Variants in VAMP1 observed in about 807,000 individuals in gnomAD.
VAMP1 encodes vesicle associated membrane protein 1, also known as vesicle-associated membrane protein 1.
A neutral mutation model predicts 19.1 loss-of-function variants in VAMP1; 16 were observed. That is an observed-to-expected ratio of 0.84 (90% CI 0.57 to 1.27). The LOEUF (loss-of-function observed/expected upper bound fraction) is 1.27, where lower values mean the gene tolerates loss of function less well. Ranked by LOEUF, VAMP1 falls within the 50% of genes most tolerant of loss-of-function variation. The pLI is 0.00. For missense variants in VAMP1, 109 were observed against 145.4 expected, an observed-to-expected ratio of 0.75 and a Z score of 1.29; for synonymous variants, 37 against 50.2, an observed-to-expected ratio of 0.74 and a Z score of 1.11.
intron 1 of VAMP1, among the ~76,000 whole-genome samples, chr12:6,468,230 G>C (rs2137012530): frequency 1.3e-5 from 2 of 152,382 alleles, no homozygotes; most frequent in African/African-American, 4.8e-5. Context: ...AGCCAGGAGG[G>C]AGGCTGTACA....
At chr12:6,470,410 G>A in intron 1 of VAMP1, 120 bp downstream of exon 1, 1 of 1,486,980 alleles carries the variant, frequency 6.7e-7, no homozygotes, top group South Asian at 1.2e-5. Flanking sequence ...GCGGCGCGCG[G>A]TGGTAGTTCC....
At chr12:6,465,162 T>A in intron 3 of VAMP1, 2 of 590,380 alleles carry the variant, frequency 3.4e-6, no homozygotes, top group Non-Finnish European at 5.8e-6. Context: ...TCACAGGACC[T>A]GCATTGAGCT....
In VAMP1 at chr12:6,470,580, G is replaced by C; in HGVS notation, c.-49C>G. On this transcript the variant is annotated 5_prime_UTR_variant, in exon 1 of 5. Coordinates refer to ENST00000396308, the MANE Select transcript of VAMP1 (RefSeq NM_014231.5). ...TCTGTTCCTCTCCGGAGGCTGCGGC[G>C]AGACACCCGGTGAGGGACGCTGCGG... 6.2e-7 allele frequency: 1 copy of C among 1,612,886 alleles called. No homozygotes were observed. The highest frequency in any genetic ancestry group is 8.5e-7 in the Non-Finnish European group (1 of 1,179,170).
chr12:6,462,965 T>C lies in VAMP1; in HGVS notation c.*1505A>G. Reference sequence around the variant, plus strand: ...GACCCTGCCCAGCATGGCCTCAGCCTCTTCCTGTTCGTGGACCGAGGGAAG... The same window carrying C: ...GACCCTGCCCAGCATGGCCTCAGCCCCTTCCTGTTCGTGGACCGAGGGAAG... On this transcript the variant is annotated 3_prime_UTR_variant, in exon 5 of 5. Coordinates refer to ENST00000396308, the MANE Select transcript of VAMP1 (RefSeq NM_014231.5). 1 of 1,552,758 alleles carries C rather than the reference T, an allele frequency of 6.4e-7. No homozygotes were observed. Among genetic ancestry groups the C allele is most frequent in the Non-Finnish European group, 8.7e-7 (1 of 1,147,698 alleles).
chr12:6,468,314 A>G, intron 1 of VAMP1, among the ~76,000 whole-genome samples: 1 of 152,200 alleles, frequency 6.6e-6, no homozygotes. Flanking sequence ...ATGCCCAGTT[A>G]TTGGTTATGC....
In VAMP1 at chr12:6,466,303, T is replaced by A. The variant is rs1950023556; in HGVS notation, c.51A>T (p.Pro17=). ...GAGGAGGGCCAGGGGGACCCCCACC[T>A]GGGGCAGTCCCTTCTGTCCCTTCAG... ...PPAEGTEGTA[P]GGGPPGPPPN... The change falls in exon 2 of 5, where the codon CCA becomes CCT. Residue 17 remains proline, a synonymous_variant. Transcript: ENST00000396308. 1.2e-6 allele frequency: 2 copies of A among 1,614,056 alleles called. No individual in the cohort carries two copies. The highest frequency in any genetic ancestry group is 1.3e-5 in the African/African-American group (1 of 74,950).
At chr12:6,469,113 C>T (rs959056463) in intron 1 of VAMP1, among the ~76,000 whole-genome samples, 1 of 152,154 alleles carries the variant, frequency 6.6e-6, no homozygotes, top group South Asian at 2.1e-4. Flanking sequence ...TGACTCATTC[C>T]CCATTTGAAG....
intron 3 of VAMP1, 116 bp from the exon 4 acceptor site, chr12:6,465,057 A>C: frequency 2.0e-6 from 3 of 1,484,322 alleles, no homozygotes; most frequent in Admixed American, 2.0e-5. Flanking sequence ...AAAACCACCC[A>C]TCACCCAGGA....
Position 6,464,506 on chromosome 12 carries a change from A to G in VAMP1, c.341-20T>C. The G allele has an allele frequency of 6.7e-7, 1 of 1,492,328 alleles. No individual in the cohort carries two copies. The highest frequency in any genetic ancestry group is 8.9e-7 in the Non-Finnish European group (1 of 1,121,786). The allele number at this position is 1,492,328 out of a possible 1,614,324, so 92.4% of individuals were successfully genotyped here. On this transcript the variant is annotated intron_variant, in intron 4 of 4. Coordinates refer to ENST00000396308, the MANE Select transcript of VAMP1 (RefSeq NM_014231.5). ...AGTAGACTGGACACAGGAATCAGGA[A>G]GTCCCAGACGGAAAAGAGAAAGAGA...
chr12:6,464,071 G>T lies in VAMP1; in HGVS notation c.*399C>A. The stretch of plus-strand genomic sequence containing the variant: ...AGCCCCTCCCTAGCTCCTACCAGTG[G>T]CCAGGTTTTCTAGAAGTCACCATGG... On this transcript the variant is annotated 3_prime_UTR_variant, in exon 5 of 5. Transcript: ENST00000396308. The T allele has an allele frequency of 1.5e-6, 2 of 1,301,308 alleles. No individual in the cohort carries two copies. The highest frequency in any genetic ancestry group is 4.2e-4 in the Middle Eastern group (2 of 4,766). 80.6% of individuals were successfully genotyped at this position (1,301,308 alleles called of 1,614,324 possible).
At position 6,463,011 on chromosome 12, in the gene VAMP1, C is replaced by T. The variant is rs1414225553; in HGVS notation, c.*1459G>A. ...GGAAGAAGGAATAAAGGGCCATGGG[C>T]ATTCTCCGCTCTGTTCCCAGCCTGC... On this transcript the variant is annotated 3_prime_UTR_variant, in exon 5 of 5. Transcript: ENST00000396308. This position sits in a 1 kb window ranked among gnomAD's most constrained non-coding sequence, Gnocchi z 4.0. 2 of 1,549,156 alleles carry T rather than the reference C, an allele frequency of 1.3e-6. No individual in the cohort carries two copies. Among genetic ancestry groups the T allele is most frequent in the Non-Finnish European group, 8.7e-7 (1 of 1,146,968 alleles).
In VAMP1 at chr12:6,463,987, T is replaced by C. The variant is rs1377289995; in HGVS notation, c.*483A>G. 7.7e-7 allele frequency: 1 copy of C among 1,291,286 alleles called. No homozygotes were observed. The allele number at this position is 1,291,286 out of a possible 1,614,324, so 80.0% of individuals were successfully genotyped here. A position where few individuals can be genotyped will look rare whatever the true frequency, so the allele number is the denominator to read the frequency against. Reference sequence around the variant, plus strand: ...CCACCCCCAGGACCCTCTTCAGGCCTGGTCCAGGAAGGAAAGCTCCACATG... The same window carrying C: ...CCACCCCCAGGACCCTCTTCAGGCCCGGTCCAGGAAGGAAAGCTCCACATG... On this transcript the variant is annotated 3_prime_UTR_variant, in exon 5 of 5. Transcript: ENST00000396308. This position sits in a 1 kb window ranked among gnomAD's most constrained non-coding sequence, Gnocchi z 4.0.
intron 4 of VAMP1, 94 bp from the exon 5 acceptor site, chr12:6,464,580 T>C: frequency 6.8e-7 from 1 of 1,463,152 alleles, no homozygotes; most frequent in Non-Finnish European, 9.0e-7. Flanking sequence ...GACATTCAGG[T>C]CTCTCCATTG....
chr12:6,465,105 T>G, intron 3 of VAMP1, 164 bp from the exon 4 acceptor site: 2 of 943,712 alleles, frequency 2.1e-6, no homozygotes, highest in Non-Finnish European at 3.1e-6. Flanking sequence ...ACCCTTCTGC[T>G]TCCCAGGGGA....
rs372266511 is a variant in VAMP1, at chr12:6,470,485, G to C, written c.2+45C>G. The C allele has an allele frequency of 1.6e-4, 253 of 1,613,496 alleles. 3 individuals are homozygous for C. Among genetic ancestry groups the C allele is most frequent in the Non-Finnish European group, 3.0e-5 (35 of 1,179,682 alleles). On this transcript the variant is annotated intron_variant, in intron 1 of 4. Coordinates refer to ENST00000396308, the MANE Select transcript of VAMP1 (RefSeq NM_014231.5). ...CCGCAGAATCGGGAGCTTGGGGCGA[G>C]AGTTGTCAAGGAGGTGCCGAGCCCC... is the stretch of plus-strand genomic sequence containing the variant.
At position 6,462,766 on chromosome 12, in the gene VAMP1, C is replaced by T. The variant is rs935662681; in HGVS notation, c.*1704G>A. On this transcript the variant is annotated 3_prime_UTR_variant, in exon 5 of 5. Coordinates refer to ENST00000396308, the MANE Select transcript of VAMP1 (RefSeq NM_014231.5). ...CCCCCTGCATTAGGCAAGGAGGAGC[C>T]CAGAGGAGAGTGGAGACCTTCGAGG... 2 of 1,518,038 alleles carry T rather than the reference C, an allele frequency of 1.3e-6. No individual in the cohort carries two copies. Among genetic ancestry groups the T allele is most frequent in the Admixed American group, 1.9e-5 (1 of 52,204 alleles). The allele number at this position is 1,518,038 out of a possible 1,614,324, so 94.0% of individuals were successfully genotyped here. A position where few individuals can be genotyped will look rare whatever the true frequency, so the allele number is the denominator to read the frequency against.
intron 3 of VAMP1, chr12:6,465,366 A>ATATACACATG (rs1299804795): frequency 7.0e-6 from 1 of 142,832 alleles, no homozygotes; most frequent in Admixed American, 8.7e-5. Context: ...AAGTATATAT[A>ATATACACATG]TATATAAATG....
Position 6,463,832 on chromosome 12 carries a change from G to A in VAMP1, c.*638C>T, listed in dbSNP as rs781221614. The A allele has an allele frequency of 6.5e-6, 8 of 1,229,602 alleles. No homozygotes were observed. Among genetic ancestry groups the A allele is most frequent in the Non-Finnish European group, 7.3e-6 (7 of 961,334 alleles). 76.2% of individuals were successfully genotyped at this position (1,229,602 alleles called of 1,614,324 possible). ...TCCCTAAGTGTTCTCCAGGCCTCTG[G>A]AGAACAAAGTAAAGTTGTAAGATCC... On this transcript the variant is annotated 3_prime_UTR_variant, in exon 5 of 5. Coordinates refer to ENST00000396308, the MANE Select transcript of VAMP1 (RefSeq NM_014231.5). This position sits in a 1 kb window ranked among gnomAD's most constrained non-coding sequence, Gnocchi z 4.0.
intron 3 of VAMP1, chr12:6,465,386 G>GTA (rs138439173): frequency 0.035 from 2,107 of 59,524 alleles, 151 homozygotes; most frequent in African/African-American, 0.12. Flanking sequence ...GTATATATAT[G>GTA]TATATATATA....
Sources: gnomAD v4.1 joint callset for allele counts (sites outside exome capture counted in the v4.1 genomes callset) on GRCh38, gnomAD v4.1.1 for gene constraint, Gnocchi (gnomAD v3.1) non-coding constraint, MANE v1.5 for transcripts, NCBI Gene and HGNC (gene_info 2026-07-23, HGNC 2026-07-21) for gene names.